VWCE: variants seen among roughly 807,000 people sequenced by gnomAD.
The protein encoded by VWCE is von Willebrand factor C and EGF domain-containing protein.
VWCE carries 68 observed loss-of-function variants against 102.9 expected under a neutral mutation model. The observed-to-expected ratio is 0.66, with a 90% CI of 0.54 to 0.81. The LOEUF (loss-of-function observed/expected upper bound fraction) is 0.81, where lower values mean the gene tolerates loss of function less well. Ranked by LOEUF, VWCE falls within the 30% of genes least tolerant of loss-of-function variation. VWCE has a pLI of 0.00. For synonymous variants in VWCE, 497 were observed against 515.4 expected, an observed-to-expected ratio of 0.96 and a Z score of 0.48; for missense variants, 1,137 against 1,263.6, an observed-to-expected ratio of 0.90 and a Z score of 1.52.
At chr11:61,271,857 C>G in intron 13 of VWCE, 97 bp from the exon 14 acceptor site, 2 of 1,026,344 alleles carry the variant, frequency 1.9e-6, no homozygotes, top group Non-Finnish European at 3.0e-6. Flanking sequence ...ACACAGACAC[C>G]GATATCACTC....
chr11:61,293,923 A>C (rs895713010), intron 1 of VWCE, among the ~76,000 whole-genome samples: 6 of 152,164 alleles, frequency 3.9e-5, no homozygotes, highest in African/African-American at 1.2e-4. Context: ...CTGGCAGTGA[A>C]GTCTCATCCA....
chr11:61,273,616 A>C, intron 12 of VWCE: 2 of 372,036 alleles, frequency 5.4e-6, no homozygotes, highest in Non-Finnish European at 9.8e-6. Flanking sequence ...TACTGCCTAA[A>C]CCATTTGGCA....
At position 61,276,605 on chromosome 11, in the gene VWCE, T is replaced by C. The variant is rs1012264338; in HGVS notation, c.1483A>G (p.Thr495Ala). 2 of 1,589,202 alleles carry C rather than the reference T, an allele frequency of 1.3e-6. No homozygotes were observed. Among genetic ancestry groups the C allele is most frequent in the African/African-American group, 1.4e-5 (1 of 71,940 alleles). The change falls in exon 11 of 20, where the codon ACT (threonine) becomes GCT (alanine). Residue 495 changes from threonine to alanine, a missense_variant. By Grantham distance (58) the Thr-to-Ala change is moderately conservative. Around this residue, in one of 5 missense-constraint regions of VWCE, gnomAD observed 212 missense variants for 235.1 expected, o/e 0.90. Coordinates refer to ENST00000335613, the MANE Select transcript of VWCE (RefSeq NM_152718.2). ...CQTPPQTDCCTCVPVRCYFHG... is the reference protein window; with the variant it reads ...CQTPPQTDCCACVPVRCYFHG... ...GAGTGTCACTTACCTGGAACACAAG[T>C]ACAGCAATCCGTCTGTGGGGGGGTC... is the stretch of plus-strand genomic sequence containing the variant.
Position 61,282,842 on chromosome 11 carries a change from T to G in VWCE, c.605A>C (p.Lys202Thr), listed in dbSNP as rs760319476. The G allele has an allele frequency of 2.2e-5, 36 of 1,614,094 alleles. No individual in the cohort carries two copies. Among genetic ancestry groups the G allele is most frequent in the Non-Finnish European group, 2.8e-5 (33 of 1,180,028 alleles). ...GTGGAAGCCAGTTCGACAGGAACAC[T>G]TGTAGCTGCCAATGCTGTTTTTACA... ...QRCKNSIGSYKCSCRTGFHLH... is the reference protein window; with the variant it reads ...QRCKNSIGSYTCSCRTGFHLH... Residue 202 changes from lysine (K) to threonine (T), a missense_variant, in exon 6 of 20, where the codon AAG becomes ACG. Physicochemically the swap from Lys to Thr is moderately conservative, Grantham distance 78. Transcript: ENST00000335613.
chr11:61,276,748 G>T, intron 10 of VWCE, 68 bp from the exon 11 acceptor site: 1 of 1,308,048 alleles, frequency 7.6e-7, no homozygotes, highest in Non-Finnish European at 1.0e-6. Flanking sequence ...CCATCTCACA[G>T]CAGGCCCTTC....
chr11:61,283,533 TC>T (rs1382630476), intron 5 of VWCE, among the ~76,000 whole-genome samples: 1 of 152,204 alleles, frequency 6.6e-6, no homozygotes, highest in African/African-American at 2.4e-5. Flanking sequence ...TGCCTCAGCC[TC>T]CCAAGTAGTT....
rs1327270210 is a variant in VWCE at position 61,294,445 on chromosome 11, C to A, written c.110+483G>T. 6.6e-6 allele frequency among the ~76,000 whole-genome samples: 1 copy of A among 152,218 alleles called. No homozygotes were observed. On this transcript the variant is annotated intron_variant, in intron 1 of 19. Transcript: ENST00000335613. The surrounding 1 kb of genome is among the most constrained non-coding windows in gnomAD (Gnocchi z 6.3). ...TGCACCCCACCCCCACGCGCGCACA[C>A]GCACGGACAGAAAACGAAAAGTGAC...
chr11:61,267,590 C>T, intron 15 of VWCE, 46 bp from the exon 16 acceptor site: 1 of 1,594,008 alleles, frequency 6.3e-7, no homozygotes, highest in Non-Finnish European at 8.6e-7. Flanking sequence ...AGTGGCCAGG[C>T]ACCAGGCTTC....
chr11:61,268,893 G>A (rs957713879), intron 15 of VWCE, 29 bp downstream of exon 15: 4 of 1,605,424 alleles, frequency 2.5e-6, no homozygotes, highest in East Asian at 2.2e-5. Flanking sequence ...GCCCTGCCCT[G>A]GGGGCTTGGG....
intron 16 of VWCE, among the ~76,000 whole-genome samples, chr11:61,267,063 G>A (rs1169236426): frequency 2.6e-5 from 4 of 152,178 alleles, no homozygotes; most frequent in African/African-American, 7.2e-5. Context: ...TTCAGGAACG[G>A]CCTGGCCAAC....
intron 2 of VWCE, 51 bp downstream of exon 2, chr11:61,291,431 C>A: frequency 1.3e-6 from 2 of 1,567,912 alleles, no homozygotes; most frequent in Non-Finnish European, 1.7e-6. Flanking sequence ...TGAGGGCTGG[C>A]AACACACACT....
intron 5 of VWCE, among the ~76,000 whole-genome samples, chr11:61,285,483 T>C (rs1855289100): frequency 6.6e-6 from 1 of 152,122 alleles, no homozygotes; most frequent in Non-Finnish European, 1.5e-5. Flanking sequence ...AGCTTGTTCT[T>C]CTGCTCCCCA....
At chr11:61,291,972 A>G (rs1855518107) in intron 1 of VWCE, among the ~76,000 whole-genome samples, 1 of 152,240 alleles carries the variant, frequency 6.6e-6, no homozygotes, top group Non-Finnish European at 1.5e-5. Flanking sequence ...CTGTAATCCC[A>G]GCACTTTGGG....
intron 10 of VWCE, among the ~76,000 whole-genome samples, chr11:61,277,460 A>G (rs1193635841): frequency 6.6e-6 from 1 of 151,832 alleles, no homozygotes; most frequent in Admixed American, 6.6e-5. Flanking sequence ...AAAAAAAAAA[A>G]AAATTAGCCG....
chr11:61,293,241 CAAAAAAAAAAA>C (rs764741197), intron 1 of VWCE, among the ~76,000 whole-genome samples: 8 of 18,050 alleles, frequency 4.4e-4, no homozygotes, highest in Non-Finnish European at 6.0e-4. Flanking sequence ...AACTCCATCT[CAAAAAAAAAAA>C]AAAAAAAAAA....
intron 1 of VWCE, among the ~76,000 whole-genome samples, chr11:61,292,399 T>C (rs775658187): frequency 1.3e-5 from 2 of 152,194 alleles, no homozygotes; most frequent in African/African-American, 2.4e-5. Flanking sequence ...GATTTTAATT[T>C]ATTAATTCAT....
intron 6 of VWCE, among the ~76,000 whole-genome samples, chr11:61,282,269 C>T (rs1470388131): frequency 1.3e-5 from 2 of 152,216 alleles, no homozygotes; most frequent in African/African-American, 4.8e-5. Flanking sequence ...TCTCAAAACT[C>T]ACTGGGCTGC....
intron 16 of VWCE, among the ~76,000 whole-genome samples, chr11:61,265,548 C>T (rs1214997704): frequency 6.6e-6 from 1 of 152,200 alleles, no homozygotes; most frequent in East Asian, 1.9e-4. Context: ...AGGCTGAGAA[C>T]AACTAGGGCC....
chr11:61,269,162 C>T, intron 14 of VWCE, 144 bp from the exon 15 acceptor site: 3 of 688,982 alleles, frequency 4.4e-6, no homozygotes, highest in Non-Finnish European at 7.5e-6. Context: ...TGGCAGGTCT[C>T]CCCTAAAGAG....
Sources: allele counts gnomAD v4.1 joint callset (sites outside exome capture counted in the v4.1 genomes callset), GRCh38; gene constraint gnomAD v4.1.1; regional missense constraint gnomAD v4.1.1; non-coding constraint Gnocchi (gnomAD v3.1); transcripts MANE v1.5; gene names NCBI Gene and HGNC (gene_info 2026-07-23, HGNC 2026-07-21).